The following SLC38A9 variants were observed in gnomAD, a reference collection of about 807,000 sequenced individuals.
SLC38A9 encodes neutral amino acid transporter 9.
Under a neutral mutation model 62.3 loss-of-function variants are expected in SLC38A9, and 48 were observed. The ratio of observed to expected loss-of-function variants is 0.77; its 90% CI spans 0.61 to 0.98. The LOEUF is 0.98. Ranked by LOEUF, SLC38A9 falls within the 50% of genes least tolerant of loss-of-function variation. SLC38A9 has a pLI of 0.00. For missense variants in SLC38A9, 541 were observed against 679.8 expected (o/e 0.80, Z 2.27); for synonymous variants, 204 against 227.7 (o/e 0.90, Z 0.94).
At chr5:55,683,110 A>C (rs1250873916) in intron 3 of SLC38A9, among the ~76,000 whole-genome samples, 2 of 152,212 alleles carry the variant, frequency 1.3e-5, no homozygotes, top group Non-Finnish European at 2.9e-5. Context: ...ATATAAATTT[A>C]AAATGAAAAA....
intron 2 of SLC38A9, among the ~76,000 whole-genome samples, chr5:55,704,634 T>C (rs1488457354): frequency 6.6e-6 from 1 of 152,208 alleles, no homozygotes; most frequent in Middle Eastern, 3.2e-3. Flanking sequence ...AATTTTAATA[T>C]TGATAAGTAG....
At position 55,633,857 on chromosome 5, in the gene SLC38A9, C is replaced by T. The variant is rs1350011026; in HGVS notation, c.1327G>A (p.Ala443Thr). 3 of 1,613,394 alleles carry T rather than the reference C, an allele frequency of 1.9e-6. No individual in the cohort carries two copies. Among genetic ancestry groups the T allele is most frequent in the Non-Finnish European group, 2.5e-6 (3 of 1,179,672 alleles). The change falls in exon 14 of 16, where the codon GCA (alanine) becomes ACA (threonine). Residue 443 changes from alanine to threonine, a missense_variant. By Grantham distance (58) the Ala-to-Thr change is moderately conservative. Transcript: ENST00000396865. ...ATCTGGAACAGCAGGAATATCCTTG[C>T]AATGAAGGACAGGGTGTCACTGCTA... ...FPSSDTLSFI[A>T]RIFLLFQMMT...
At chr5:55,627,670 A>G (rs1742680932) in intron 15 of SLC38A9, among the ~76,000 whole-genome samples, 1 of 152,248 alleles carries the variant, frequency 6.6e-6, no homozygotes, top group African/African-American at 2.4e-5. Flanking sequence ...GCCTGAGGCT[A>G]AGGGATAATG....
chr5:55,628,091 C>T, intron 14 of SLC38A9, 111 bp from the exon 15 acceptor site: 1 of 663,198 alleles, frequency 1.5e-6, no homozygotes, highest in Non-Finnish European at 2.6e-6. Context: ...ATCAAAATGT[C>T]TTAAGCTTGA....
At position 55,652,514 on chromosome 5, in the gene SLC38A9, A is replaced by C. The variant is rs1235110611; in HGVS notation, c.952+15T>G. 6.5e-7 allele frequency: 1 copy of C among 1,531,852 alleles called. No homozygotes were observed. Among genetic ancestry groups the C allele is most frequent in the African/African-American group, 1.4e-5 (1 of 72,504 alleles). The allele number at this position is 1,531,852 out of a possible 1,614,324, so 94.9% of individuals were successfully genotyped here. On this transcript the variant is annotated intron_variant, in intron 10 of 15. Transcript: ENST00000396865. Reference sequence around the variant, plus strand: ...CTATTACACAAAGTCTCCATAATTCAGTGCTACTACTTACCTAGGATATTA... The same window carrying C: ...CTATTACACAAAGTCTCCATAATTCCGTGCTACTACTTACCTAGGATATTA...
intron 8 of SLC38A9, among the ~76,000 whole-genome samples, chr5:55,660,503 G>A (rs1749335231): frequency 6.6e-6 from 1 of 152,252 alleles, no homozygotes; most frequent in African/African-American, 2.4e-5. Context: ...TTACTTTCTG[G>A]GAAGATGGAA....
intron 3 of SLC38A9, among the ~76,000 whole-genome samples, chr5:55,679,075 T>G (rs1752636830): frequency 7.6e-6 from 1 of 130,826 alleles, no homozygotes; most frequent in Non-Finnish European, 1.7e-5. Context: ...AAATCAAATT[T>G]AAAGTTAATT....
intron 3 of SLC38A9, among the ~76,000 whole-genome samples, chr5:55,686,903 T>A (rs558486525): frequency 1.3e-5 from 2 of 152,204 alleles, no homozygotes; most frequent in East Asian, 3.9e-4. Flanking sequence ...TTTTGTCAGG[T>A]TTGTTGAAGA....
At chr5:55,647,193 TTTTGCA>T (rs1746529340) in intron 11 of SLC38A9, among the ~76,000 whole-genome samples, 1 of 152,036 alleles carries the variant, frequency 6.6e-6, no homozygotes, top group African/African-American at 2.4e-5. Context: ...TTTTATTTTT[TTTTGCA>T]ATTTATTTTA....
At position 55,669,279 on chromosome 5, in the gene SLC38A9, G is replaced by A; in HGVS notation, c.475C>T (p.Leu159Phe). The change falls in exon 7 of 16, where the codon CTT (leucine) becomes TTT (phenylalanine). Residue 159 changes from leucine (L) to phenylalanine (F), a missense_variant. Coordinates refer to ENST00000396865, the MANE Select transcript of SLC38A9 (RefSeq NM_173514.4). Reference sequence around the variant, plus strand: ...CTGTAGCAGCAATAAAGTGTTAAAAGGCCCATCAGTATGATGACACACATT... The same window carrying A: ...CTGTAGCAGCAATAAAGTGTTAAAAAGCCCATCAGTATGATGACACACATT... ...TGMCVIILMGLLTLYCCYRVV... is the reference protein window; with the variant it reads ...TGMCVIILMGFLTLYCCYRVV... 1.9e-6 allele frequency: 3 copies of A among 1,613,276 alleles called. No homozygotes were observed. Among genetic ancestry groups the A allele is most frequent in the Non-Finnish European group, 2.5e-6 (3 of 1,179,738 alleles).
At chr5:55,678,648 T>TGC (rs1554063209) in intron 3 of SLC38A9, among the ~76,000 whole-genome samples, 1 of 16,886 alleles carries the variant, frequency 5.9e-5, no homozygotes, top group Non-Finnish European at 1.8e-4. Flanking sequence ...AAATGAACTT[T>TGC]TTTTTTTTTT....
intron 3 of SLC38A9, among the ~76,000 whole-genome samples, chr5:55,694,793 A>C: frequency 7.2e-6 from 1 of 138,854 alleles, no homozygotes; most frequent in Non-Finnish European, 1.5e-5. Context: ...TTGCTCTATC[A>C]CCAGGCTGGA....
chr5:55,701,028 A>G (rs1249599902), intron 2 of SLC38A9, among the ~76,000 whole-genome samples: 1 of 152,190 alleles, frequency 6.6e-6, no homozygotes, highest in Non-Finnish European at 1.5e-5. Flanking sequence ...AGTGGCCACT[A>G]GTTAGGTGTG....
intron 14 of SLC38A9, among the ~76,000 whole-genome samples, chr5:55,632,246 G>T (rs1743596390): frequency 6.6e-6 from 1 of 152,086 alleles, no homozygotes; most frequent in African/African-American, 2.4e-5. Context: ...GACCATCCTG[G>T]CTAACACAGT....
At chr5:55,631,761 C>T (rs73119743) in intron 14 of SLC38A9, among the ~76,000 whole-genome samples, 7,445 of 152,180 alleles carry the variant, frequency 0.049, 313 homozygotes, top group African/African-American at 0.12. Flanking sequence ...TAGTTGCTTA[C>T]TGTAAATGCA....
At chr5:55,681,249 C>T (rs545930447) in intron 3 of SLC38A9, among the ~76,000 whole-genome samples, 20 of 151,958 alleles carry the variant, frequency 1.3e-4, no homozygotes, top group African/African-American at 2.4e-4. Flanking sequence ...TGCTAATAAC[C>T]GCATTTAAAA....
intron 8 of SLC38A9, among the ~76,000 whole-genome samples, chr5:55,663,633 C>T (rs1245062470): frequency 5.3e-5 from 8 of 151,786 alleles, no homozygotes; most frequent in Non-Finnish European, 7.4e-5. Flanking sequence ...CTCGGAAGGC[C>T]GAAGCAGGAG....
intron 2 of SLC38A9, among the ~76,000 whole-genome samples, chr5:55,700,536 G>A (rs996700268): frequency 3.3e-5 from 5 of 151,716 alleles, no homozygotes; most frequent in African/African-American, 7.3e-5. Context: ...TTTAGTAGAG[G>A]GGAAAGAAGA....
intron 3 of SLC38A9, among the ~76,000 whole-genome samples, chr5:55,691,034 C>T (rs544686623): frequency 1.3e-5 from 2 of 152,212 alleles, no homozygotes; most frequent in Admixed American, 6.5e-5. Context: ...CAGATGTGCA[C>T]GCTAGAGGAC....
Sources: allele counts gnomAD v4.1 joint callset (sites outside exome capture counted in the v4.1 genomes callset), GRCh38; gene constraint gnomAD v4.1.1; transcripts MANE v1.5; gene names NCBI Gene and HGNC (gene_info 2026-07-23, HGNC 2026-07-21).